MGRN1: variants seen among roughly 807,000 people sequenced by gnomAD.
MGRN1 encodes mahogunin ring finger 1.
A neutral mutation model predicts 69.2 loss-of-function variants in MGRN1; 29 were observed. That is an observed-to-expected ratio of 0.42 (90% confidence interval 0.31 to 0.57). The LOEUF is 0.57. MGRN1 is among the 20% of genes least tolerant of loss of function. The probability of loss-of-function intolerance (pLI) is 0.15; values close to 1 mark genes in which losing one functional copy is unlikely to be tolerated. For missense variants in MGRN1, 998 were observed against 796.2 expected (o/e 1.25, Z -3.05); for synonymous variants, 470 against 344.2 (o/e 1.37, Z -4.04).
chr16:4,675,352 C>T (rs557935087), intron 10 of MGRN1, among the ~76,000 whole-genome samples: 10 of 152,218 alleles, frequency 6.6e-5, no homozygotes, highest in African/African-American at 2.4e-4. Flanking sequence ...GTTAAGTGGT[C>T]CTCGTGCCTC....
In MGRN1 at chr16:4,690,787, G is replaced by A. The variant is rs1223379136; in HGVS notation, c.*1879G>A. The A allele has an allele frequency of 2.2e-4, 4 of 18,316 alleles. No homozygotes were observed. Among genetic ancestry groups the A allele is most frequent in the East Asian group, 1.5e-3 (2 of 1,324 alleles). The allele number at this position is 18,316 out of a possible 1,614,324, so 1.1% of individuals were successfully genotyped here. ...AACAACACACACAGCCCCCTGCACC[G>A]CCCGCCCCCCGCCCCCACCAAGGCC... On this transcript the variant is annotated 3_prime_UTR_variant, in exon 17 of 17. Transcript: ENST00000262370.
intron 1 of MGRN1, among the ~76,000 whole-genome samples, chr16:4,628,783 G>C (rs981418065): frequency 6.6e-6 from 1 of 152,120 alleles, no homozygotes; most frequent in African/African-American, 2.4e-5. Context: ...GACCTCAGGT[G>C]ATCTGCCTGC....
At chr16:4,630,841 G>C (rs1897965376) in intron 1 of MGRN1, among the ~76,000 whole-genome samples, 1 of 148,088 alleles carries the variant, frequency 6.8e-6, no homozygotes, top group Non-Finnish European at 1.5e-5. Context: ...TTTTGAGATA[G>C]GGTCTTACTC....
chr16:4,680,890 C>A (rs1438206740), intron 12 of MGRN1, among the ~76,000 whole-genome samples: 1 of 152,212 alleles, frequency 6.6e-6, no homozygotes, highest in Non-Finnish European at 1.5e-5. Flanking sequence ...AGGCCGGGGT[C>A]TCCCGAAAGG....
chr16:4,682,600 G>GTGTCGGGAGCCCCTC (rs543429435), intron 13 of MGRN1, among the ~76,000 whole-genome samples: 2,800 of 152,278 alleles, frequency 0.018, 47 homozygotes, highest in South Asian at 0.03. Flanking sequence ...CCGTGCCAGT[G>GTGTCGGGAGCCCCTC]TGTCGGGAGC....
At chr16:4,660,486 GA>G (rs530559515) in intron 5 of MGRN1, among the ~76,000 whole-genome samples, 242 of 152,202 alleles carry the variant, frequency 1.6e-3, no homozygotes, top group African/African-American at 5.8e-3. Flanking sequence ...AGTGTGATGA[GA>G]AAAAAAATCA....
chr16:4,625,733 C>A (rs1897644585), intron 1 of MGRN1, among the ~76,000 whole-genome samples: 1 of 152,244 alleles, frequency 6.6e-6, no homozygotes, highest in South Asian at 2.1e-4. Context: ...GTGGGGCTCC[C>A]ACGTAGCTTT....
chr16:4,682,403 G>C (rs1165135739), intron 13 of MGRN1, among the ~76,000 whole-genome samples: 1 of 152,234 alleles, frequency 6.6e-6, no homozygotes, highest in East Asian at 1.9e-4. Context: ...CCTCAGGCCT[G>C]TCGGTTCTCG....
At chr16:4,639,007 C>A (rs886506927) in intron 1 of MGRN1, among the ~76,000 whole-genome samples, 2 of 152,150 alleles carry the variant, frequency 1.3e-5, no homozygotes, top group African/African-American at 4.8e-5. Flanking sequence ...GCCCAGGGGT[C>A]CCAGTGAGAA....
In MGRN1 at chr16:4,689,059, A is replaced by G. The variant is rs754222768; in HGVS notation, c.*151A>G. On this transcript the variant is annotated 3_prime_UTR_variant, in exon 17 of 17. Transcript: ENST00000262370. ...CCGTGGTGACTCTTGATCAAAGAGC[A>G]CAGTGAACTGTCCCTTCTGAGTCTC... 1.9e-6 allele frequency: 2 copies of G among 1,045,236 alleles called. No individual in the cohort carries two copies. Among genetic ancestry groups the G allele is most frequent in the Admixed American group, 2.9e-5 (1 of 33,920 alleles). 64.7% of individuals were successfully genotyped at this position (1,045,236 alleles called of 1,614,324 possible).
intron 4 of MGRN1, among the ~76,000 whole-genome samples, chr16:4,654,378 T>C (rs2078482754): frequency 6.6e-6 from 1 of 152,242 alleles, no homozygotes; most frequent in African/African-American, 2.4e-5. Context: ...TAATTAGATA[T>C]TTGTACTTTC....
chr16:4,631,591 G>C (rs949366627), intron 1 of MGRN1, among the ~76,000 whole-genome samples: 1 of 152,162 alleles, frequency 6.6e-6, no homozygotes, highest in African/African-American at 2.4e-5. Context: ...GAGAAATCCT[G>C]GTCTGTTCTT....
intron 5 of MGRN1, among the ~76,000 whole-genome samples, chr16:4,661,214 A>G (rs1301495801): frequency 6.6e-6 from 1 of 151,438 alleles, no homozygotes; most frequent in African/African-American, 2.4e-5. Flanking sequence ...CCCGGGCTCC[A>G]GCAATCCTCG....
chr16:4,648,453 A>T (rs112523614), intron 1 of MGRN1, among the ~76,000 whole-genome samples: 1 of 57,784 alleles, frequency 1.7e-5, no homozygotes, highest in Non-Finnish European at 2.9e-5. Flanking sequence ...CCTCTCGGGG[A>T]CTCTTCCCGT....
In MGRN1 at chr16:4,653,624, G is replaced by A. The variant is rs1304742925; in HGVS notation, c.443+800G>A. ...CTGCCTCAGCCTCCTGAGTAGCTGG[G>A]ACTACAGGCACGTGCCACCACGCTT... On this transcript the variant is annotated intron_variant, in intron 4 of 16. Coordinates refer to ENST00000262370, the MANE Select transcript of MGRN1 (RefSeq NM_015246.4). 2.6e-5 allele frequency among the ~76,000 whole-genome samples: 4 copies of A among 152,012 alleles called. No homozygotes were observed. In the East Asian group the frequency reaches 5.8e-4, roughly 22 times the overall value.
chr16:4,644,309 T>TG (rs886884261), intron 1 of MGRN1, among the ~76,000 whole-genome samples: 4 of 146,534 alleles, frequency 2.7e-5, no homozygotes, highest in Non-Finnish European at 3.0e-5. Flanking sequence ...TTACCAGTTT[T>TG]TTTTTTTTTT....
intron 9 of MGRN1, among the ~76,000 whole-genome samples, chr16:4,671,719 C>T (rs1255773217): frequency 6.6e-6 from 1 of 152,184 alleles, no homozygotes; most frequent in Non-Finnish European, 1.5e-5. Context: ...GCCAGTGTCT[C>T]ACCCTCTAGG....
In MGRN1 at chr16:4,657,194, G is replaced by A. The variant is rs1284049916; in HGVS notation, c.444-52G>A. ...CTGTCGGAGTGGGAGGGACGGGCAC[G>A]GAGGGCCCTCTTCCTGCCGCAGCCT... On this transcript the variant is annotated intron_variant, in intron 4 of 16. Coordinates refer to ENST00000262370, the MANE Select transcript of MGRN1 (RefSeq NM_015246.4). 42 of 1,545,714 alleles carry A rather than the reference G, an allele frequency of 2.7e-5. No individual in the cohort carries two copies. The East Asian group carries it at 2.9e-4, about 11-fold the overall frequency.
intron 16 of MGRN1, among the ~76,000 whole-genome samples, chr16:4,686,007 G>T (rs566963233): frequency 6.6e-6 from 1 of 152,318 alleles, no homozygotes; most frequent in Non-Finnish European, 1.5e-5. Flanking sequence ...TCCTTCATGC[G>T]CCCTTCCCTA....
Sources: allele counts gnomAD v4.1 joint callset (sites outside exome capture counted in the v4.1 genomes callset), GRCh38; gene constraint gnomAD v4.1.1; transcripts MANE v1.5; gene names NCBI Gene and HGNC (gene_info 2026-07-23, HGNC 2026-07-21).